The following BRIP1 variants were observed in gnomAD, a reference collection of about 807,000 sequenced individuals.
BRIP1 encodes the protein Fanconi anemia group J protein.
Under a neutral mutation model 119.7 loss-of-function variants are expected in BRIP1, and 88 were observed. The ratio of observed to expected loss-of-function variants is 0.74; its 90% confidence interval spans 0.62 to 0.88. The LOEUF (loss-of-function observed/expected upper bound fraction) is 0.88, where lower values mean the gene tolerates loss of function less well. BRIP1 is among the 40% of genes least tolerant of loss of function. The pLI, the probability that BRIP1 is intolerant of heterozygous loss-of-function variation, is 0.00. For synonymous variants in BRIP1, 443 were observed against 496.5 expected (o/e 0.89, Z 1.43); for missense variants, 1,259 against 1,455.4 (o/e 0.87, Z 2.20).
In BRIP1 at chr17:61,825,407, C is replaced by G. The variant is rs1196383944; in HGVS notation, c.628-16650G>C. On this transcript the variant is annotated intron_variant, in intron 6 of 19. Transcript: ENST00000259008. This position sits in a 1 kb window ranked among gnomAD's most constrained non-coding sequence, Gnocchi z 4.1. ...GACAAGAGAAAGAAATAAAGGGCATCCAAATAGGAAGAGAGGAAGTCAAAC... is the reference window on the plus strand; with the variant it reads ...GACAAGAGAAAGAAATAAAGGGCATGCAAATAGGAAGAGAGGAAGTCAAAC... 6.6e-6 allele frequency among the ~76,000 whole-genome samples: 1 copy of G among 151,902 alleles called. No individual in the cohort carries two copies.
chr17:61,838,101 T>C (rs1469720616), intron 6 of BRIP1, among the ~76,000 whole-genome samples: 3 of 152,164 alleles, frequency 2.0e-5, no homozygotes, highest in Admixed American at 2.0e-4. Flanking sequence ...AACTGCAGAT[T>C]TGAAAAACGT....
rs551338531 is a variant in BRIP1 at position 61,680,476 on chromosome 17, A to ATT, written c.*2818_*2819dup. Among the ~76,000 whole-genome samples the ATT allele has an allele frequency of 1.9e-4, 14 of 74,676 alleles. No homozygotes were observed. Among genetic ancestry groups the ATT allele is most frequent in the Non-Finnish European group, 3.4e-4 (13 of 37,988 alleles). The allele number at this position is 74,676 out of a possible 152,430, so 49.0% of individuals were successfully genotyped here. Reference sequence around the variant, plus strand: ...ATGTAGTTTACCAATTCTAAAGGTAATTTCTTTTTTTTTTTTTTTTTGAGA... The same window carrying ATT: ...ATGTAGTTTACCAATTCTAAAGGTAATTTTTCTTTTTTTTTTTTTTTTTGAGA... On this transcript the variant is annotated 3_prime_UTR_variant, in exon 20 of 20. Coordinates refer to ENST00000259008, the MANE Select transcript of BRIP1 (RefSeq NM_032043.3).
intron 6 of BRIP1, among the ~76,000 whole-genome samples, chr17:61,840,730 A>G (rs76468620): frequency 0.16 from 24,201 of 152,242 alleles, 2,479 homozygotes; most frequent in East Asian, 0.55. Flanking sequence ...GAATAGAAAG[A>G]ACAATCCTAA....
In BRIP1 at chr17:61,758,516, C is replaced by A. The variant is rs1328647723; in HGVS notation, c.2098-13925G>T. 2.0e-5 allele frequency among the ~76,000 whole-genome samples: 3 copies of A among 152,138 alleles called. No homozygotes were observed. Among genetic ancestry groups the A allele is most frequent in the Admixed American group, 6.6e-5 (1 of 15,262 alleles). On this transcript the variant is annotated intron_variant, in intron 14 of 19. Transcript: ENST00000259008. The surrounding 1 kb of genome is among the most constrained non-coding windows in gnomAD (Gnocchi z 5.3). The stretch of plus-strand genomic sequence containing the variant: ...CTTGAAAGAAATTTTTTGGAGAAAG[C>A]ATCGCTTCACAATCTAGTGAATAAG...
rs756466996 is a variant in BRIP1 at position 61,769,705 on chromosome 17, A to T, written c.2097+6696T>A. 1.3e-5 allele frequency among the ~76,000 whole-genome samples: 2 copies of T among 152,226 alleles called. No individual in the cohort carries two copies. The highest frequency in any genetic ancestry group is 1.9e-4 in the East Asian group (1 of 5,192). ...AAAATCAATTACTTTTCTGGGATCCATCTGAGAACTGAGGTCACAAGGCAA... is the reference window on the plus strand; with the variant it reads ...AAAATCAATTACTTTTCTGGGATCCTTCTGAGAACTGAGGTCACAAGGCAA... On this transcript the variant is annotated intron_variant, in intron 14 of 19. Transcript: ENST00000259008. This position sits in a 1 kb window ranked among gnomAD's most constrained non-coding sequence, Gnocchi z 4.9.
At position 61,682,251 on chromosome 17, in the gene BRIP1, T is replaced by G. The variant is rs1188443178; in HGVS notation, c.*1045A>C. 5.0e-6 allele frequency: 1 copy of G among 199,614 alleles called. No homozygotes were observed. Among genetic ancestry groups the G allele is most frequent in the Non-Finnish European group, 1.0e-5 (1 of 96,770 alleles). The allele number at this position is 199,614 out of a possible 1,614,324, so 12.4% of individuals were successfully genotyped here. ...CTAGAACAATACCAGAGGGGATAAA[T>G]TGTTTCACCCTTTCTAAACAATGTA... is the stretch of plus-strand genomic sequence containing the variant. On this transcript the variant is annotated 3_prime_UTR_variant, in exon 20 of 20. Transcript: ENST00000259008. The surrounding 1 kb of genome is among the most constrained non-coding windows in gnomAD (Gnocchi z 4.9).
rs1329092046 is a variant in BRIP1, at chr17:61,863,487, A to G, written c.-234T>C. 6.6e-6 allele frequency: 1 copy of G among 151,162 alleles called. No individual in the cohort carries two copies. Among genetic ancestry groups the G allele is most frequent in the African/African-American group, 2.4e-5 (1 of 40,964 alleles). 9.4% of individuals were successfully genotyped at this position (151,162 alleles called of 1,614,324 possible). A position where few individuals can be genotyped will look rare whatever the true frequency, so the allele number is the denominator to read the frequency against. Reference sequence around the variant, plus strand: ...GGCCGCCGTTACCTTTCCTCGACCCACCAGACCCCTCAACCACACAACCCG... The same window carrying G: ...GGCCGCCGTTACCTTTCCTCGACCCGCCAGACCCCTCAACCACACAACCCG... On this transcript the variant is annotated 5_prime_UTR_variant, in exon 1 of 20. Transcript: ENST00000259008.
chr17:61,785,936 G>A (rs1403680619), intron 10 of BRIP1, among the ~76,000 whole-genome samples: 1 of 151,628 alleles, frequency 6.6e-6, no homozygotes, highest in Admixed American at 6.6e-5. Flanking sequence ...GTTGGGGGGG[G>A]TAGAAAAATA....
rs1233596610 is a variant in BRIP1 at position 61,682,514 on chromosome 17, C to G, written c.*782G>C. 1.5e-5 allele frequency: 3 copies of G among 198,126 alleles called. No individual in the cohort carries two copies. The highest frequency in any genetic ancestry group is 6.0e-5 in the Admixed American group (1 of 16,536). The allele number at this position is 198,126 out of a possible 1,614,324, so 12.3% of individuals were successfully genotyped here. On this transcript the variant is annotated 3_prime_UTR_variant, in exon 20 of 20. Transcript: ENST00000259008. This position sits in a 1 kb window ranked among gnomAD's most constrained non-coding sequence, Gnocchi z 4.9. ...TGTAAAACAATTTCAATTAAAAATG[C>G]ATACTACTTTCTTAATTTCTCTTAA...
intron 4 of BRIP1, among the ~76,000 whole-genome samples, chr17:61,850,609 C>G (rs545819210): frequency 6.6e-6 from 1 of 151,996 alleles, no homozygotes; most frequent in South Asian, 2.1e-4. Flanking sequence ...GAGTGGATCA[C>G]TTGAGCCCAG....
At chr17:61,792,176 G>A (rs2077828256) in intron 10 of BRIP1, among the ~76,000 whole-genome samples, 1 of 152,144 alleles carries the variant, frequency 6.6e-6, no homozygotes, top group Non-Finnish European at 1.5e-5. Context: ...AAATTCCTGG[G>A]TTCAAGCAAT....
chr17:61,791,445 C>T (rs1003031696), intron 10 of BRIP1, among the ~76,000 whole-genome samples: 10 of 139,122 alleles, frequency 7.2e-5, no homozygotes, highest in African/African-American at 2.8e-4. Flanking sequence ...GCCGAGATCA[C>T]GCCACTGCCC....
At position 61,831,318 on chromosome 17, in the gene BRIP1, C is replaced by T. The variant is rs2078489337; in HGVS notation, c.627+15783G>A. Among the ~76,000 whole-genome samples, 1 of 152,156 alleles carries T rather than the reference C, an allele frequency of 6.6e-6. No individual in the cohort carries two copies. The highest frequency in any genetic ancestry group is 1.5e-5 in the Non-Finnish European group (1 of 68,022). On this transcript the variant is annotated intron_variant, in intron 6 of 19. Coordinates refer to ENST00000259008, the MANE Select transcript of BRIP1 (RefSeq NM_032043.3). The surrounding 1 kb of genome is among the most constrained non-coding windows in gnomAD (Gnocchi z 4.1). ...AAACAGTATTTACTAGAGAATGAAACATGCAACTTTGGGTACTTAGAAAGT... is the reference window on the plus strand; with the variant it reads ...AAACAGTATTTACTAGAGAATGAAATATGCAACTTTGGGTACTTAGAAAGT...
chr17:61,787,676 G>T (rs1410641244), intron 10 of BRIP1, among the ~76,000 whole-genome samples: 1 of 150,820 alleles, frequency 6.6e-6, no homozygotes, highest in African/African-American at 2.4e-5. Flanking sequence ...ACAGAGTCTC[G>T]CTCTGTCGCC....
At chr17:61,855,344 G>A (rs1000433550) in intron 4 of BRIP1, among the ~76,000 whole-genome samples, 3 of 152,124 alleles carry the variant, frequency 2.0e-5, no homozygotes, top group African/African-American at 7.2e-5. Flanking sequence ...CTGGGAGGCC[G>A]AGGCAGGTGA....
Position 61,860,080 on chromosome 17 carries a change from C to T in BRIP1, c.94-173G>A, listed in dbSNP as rs2078954064. On this transcript the variant is annotated intron_variant, in intron 2 of 19. Transcript: ENST00000259008. This position sits in a 1 kb window ranked among gnomAD's most constrained non-coding sequence, Gnocchi z 4.1. Reference sequence around the variant, plus strand: ...ATCCAAACTGTATTCCTTTACACCTCTCCCTAAGATTATCTTACTAAAATA... The same window carrying T: ...ATCCAAACTGTATTCCTTTACACCTTTCCCTAAGATTATCTTACTAAAATA... Among the ~76,000 whole-genome samples, 2 of 152,162 alleles carry T rather than the reference C, an allele frequency of 1.3e-5. No individual in the cohort carries two copies. The highest frequency in any genetic ancestry group is 4.1e-4 in the South Asian group (2 of 4,830).
rs1483305934 is a variant in BRIP1 at position 61,808,796 on chromosome 17, T to C, written c.628-39A>G. ...AAGAAACGATAACTAATATCTAAAC[T>C]ACCATAAAAAACGTTATCAAACCTC... is the stretch of plus-strand genomic sequence containing the variant. On this transcript the variant is annotated intron_variant, in intron 6 of 19. Transcript: ENST00000259008. This position sits in a 1 kb window ranked among gnomAD's most constrained non-coding sequence, Gnocchi z 4.1. The C allele has an allele frequency of 6.3e-7, 1 of 1,590,198 alleles. No individual in the cohort carries two copies. The highest frequency in any genetic ancestry group is 8.6e-7 in the Non-Finnish European group (1 of 1,166,752).
chr17:61,858,539 AATTTTGT>A (rs2078930770), intron 3 of BRIP1, among the ~76,000 whole-genome samples: 1 of 151,958 alleles, frequency 6.6e-6, no homozygotes, highest in Non-Finnish European at 1.5e-5. Context: ...TCACCAGGCT[AATTTTGT>A]ATTTTTAGTA....
At position 61,736,921 on chromosome 17, in the gene BRIP1, A is replaced by C. The variant is rs7220719; in HGVS notation, c.2379+6092T>G. 1.3e-5 allele frequency among the ~76,000 whole-genome samples: 2 copies of C among 151,994 alleles called. No individual in the cohort carries two copies. The highest frequency in any genetic ancestry group is 2.9e-5 in the Non-Finnish European group (2 of 67,970). On this transcript the variant is annotated intron_variant, in intron 16 of 19. Transcript: ENST00000259008. The surrounding 1 kb of genome is among the most constrained non-coding windows in gnomAD (Gnocchi z 4.4). Reference sequence around the variant, plus strand: ...GAATTGCAATTCCTCTGTTTTCCCTATATTATTTAAAAGGCAAATGCATAA... The same window carrying C: ...GAATTGCAATTCCTCTGTTTTCCCTCTATTATTTAAAAGGCAAATGCATAA...
Sources: allele counts gnomAD v4.1 joint callset (sites outside exome capture counted in the v4.1 genomes callset), GRCh38; gene constraint gnomAD v4.1.1; non-coding constraint Gnocchi (gnomAD v3.1); transcripts MANE v1.5; gene names NCBI Gene and HGNC (gene_info 2026-07-23, HGNC 2026-07-21).